The following PKD1L3 variants were observed in gnomAD, a reference collection of about 807,000 sequenced individuals.
PKD1L3 encodes the protein polycystin-1-like protein 3.
PKD1L3 carries 239 observed loss-of-function variants against 184.1 expected under a neutral mutation model. The ratio of observed to expected loss-of-function variants is 1.30; its 90% confidence interval spans 1.17 to 1.45. PKD1L3 has a LOEUF of 1.45. Among genes scored for constraint, PKD1L3 ranks in the 40% most tolerant of loss-of-function variants. The pLI is 0.00. For missense variants in PKD1L3, 2,660 were observed against 2,067.2 expected (o/e 1.29, Z -5.56); for synonymous variants, 996 against 778.8 (o/e 1.28, Z -4.64).
At chr16:71,979,274 C>A (rs546498864) in intron 9 of PKD1L3, among the ~76,000 whole-genome samples, 1 of 151,992 alleles carries the variant, frequency 6.6e-6, no homozygotes, top group South Asian at 2.1e-4. Flanking sequence ...CGAAACCCCG[C>A]CTCTACTAAA....
Position 71,929,605 on chromosome 16 carries a change from G to A in PKD1L3, c.5132C>T (p.Thr1711Ile), listed in dbSNP as rs534448059. 4 of 1,551,830 alleles carry A rather than the reference G, an allele frequency of 2.6e-6. No individual in the cohort carries two copies. The highest frequency in any genetic ancestry group is 3.5e-6 in the Non-Finnish European group (4 of 1,147,010). Residue 1711 changes from threonine to isoleucine, a missense_variant, in exon 30 of 30, where the codon ACC (threonine) becomes ATC (isoleucine). Coordinates refer to ENST00000620267, the MANE Select transcript of PKD1L3 (RefSeq NM_181536.2). ...TGTCGTGGCTGCTTGCTCAGATGAG[G>A]TTTTTTGGGGCCAACTGATTCCTAA... ...NLLGISWPQK[T>I]SSEQAATTAV...
chr16:71,996,990 G>C (rs1003677964), intron 2 of PKD1L3, among the ~76,000 whole-genome samples: 1 of 147,716 alleles, frequency 6.8e-6, no homozygotes, highest in Non-Finnish European at 1.5e-5. Context: ...GTTAGAAAGC[G>C]AGGTTATCAC....
At chr16:71,940,892 C>A (rs1304033585) in intron 24 of PKD1L3, among the ~76,000 whole-genome samples, 3 of 150,934 alleles carry the variant, frequency 2.0e-5, no homozygotes, top group African/African-American at 7.3e-5. Flanking sequence ...CTGGAGTGCA[C>A]TGGTATGATC....
At chr16:71,969,674 A>G (rs1365755561) in intron 13 of PKD1L3, among the ~76,000 whole-genome samples, 1 of 148,686 alleles carries the variant, frequency 6.7e-6, no homozygotes, top group Non-Finnish European at 1.5e-5. Flanking sequence ...TCTTGGAACC[A>G]AAGGAAAAAA....
chr16:71,977,533 T>C (rs1219442555), intron 10 of PKD1L3, 66 bp from the exon 11 acceptor site: 10 of 1,183,364 alleles, frequency 8.5e-6, no homozygotes, highest in Non-Finnish European at 1.2e-5. Context: ...ATCCTTTATA[T>C]TGATAAGGTA....
chr16:71,970,208 G>C, intron 12 of PKD1L3, 103 bp from the exon 13 acceptor site: 1 of 904,464 alleles, frequency 1.1e-6, no homozygotes, highest in Non-Finnish European at 1.7e-6. Flanking sequence ...GAGGTATCTG[G>C]TTCTCTCATT....
chr16:71,985,878 T>A (rs1323209071), intron 5 of PKD1L3, among the ~76,000 whole-genome samples: 1 of 152,066 alleles, frequency 6.6e-6, no homozygotes, highest in Non-Finnish European at 1.5e-5. Context: ...CTTGTCCATG[T>A]TTTTGGGAGG....
chr16:71,973,286 G>A (rs1191210498), intron 12 of PKD1L3, 38 bp downstream of exon 12: 3 of 1,539,524 alleles, frequency 1.9e-6, no homozygotes, highest in African/African-American at 1.4e-5. Flanking sequence ...CAGTAGCTAT[G>A]GCAGAAGAGA....
chr16:71,931,106 G>GT (rs754716273), intron 28 of PKD1L3: 3 of 152,022 alleles, frequency 2.0e-5, no homozygotes, highest in Admixed American at 6.6e-5. Flanking sequence ...GTTTTTTAAT[G>GT]TTTTTTACTT....
chr16:71,935,426 C>CA lies in PKD1L3; in HGVS notation c.4544dup (p.Leu1517AlafsTer2), dbSNP rs1567487993. The CA allele has an allele frequency of 6.4e-7, 1 of 1,552,014 alleles. No homozygotes were observed. Among genetic ancestry groups the CA allele is most frequent in the South Asian group, 1.2e-5 (1 of 84,058 alleles). On this transcript the variant is annotated frameshift_variant, in exon 26 of 30. Transcript: ENST00000620267. LOFTEE classifies it high-confidence loss of function. Reference sequence around the variant, plus strand: ...GAGAAATACTCTTCATGTCAAGCCCCAGGAGGATGAAGCTAATGAGGATTA... The same window carrying CA: ...GAGAAATACTCTTCATGTCAAGCCCCAAGGAGGATGAAGCTAATGAGGATTA...
chr16:71,964,377 T>C (rs1390786653), intron 15 of PKD1L3, among the ~76,000 whole-genome samples: 3 of 130,808 alleles, frequency 2.3e-5, no homozygotes, highest in Non-Finnish European at 4.7e-5. Context: ...TTCACTCTCT[T>C]GCACAGGCTG....
intron 13 of PKD1L3, among the ~76,000 whole-genome samples, chr16:71,968,406 C>T (rs181656706): frequency 6.6e-6 from 1 of 152,136 alleles, no homozygotes; most frequent in Admixed American, 6.6e-5. Flanking sequence ...GCAAATTTAA[C>T]TAGGTAGCCT....
At chr16:71,985,089 A>G (rs1276068623) in intron 5 of PKD1L3, among the ~76,000 whole-genome samples, 7 of 152,168 alleles carry the variant, frequency 4.6e-5, no homozygotes, top group African/African-American at 1.7e-4. Flanking sequence ...ATTCAACCAC[A>G]TATTCAAGAA....
intron 28 of PKD1L3, chr16:71,930,685 A>G (rs1399404657): frequency 6.6e-6 from 1 of 152,204 alleles, no homozygotes; most frequent in Non-Finnish European, 1.5e-5. Context: ...TTTTAAAGGT[A>G]CAAGCATTGA....
chr16:71,967,377 C>T (rs2039542047), intron 14 of PKD1L3, 62 bp from the exon 15 acceptor site: 1 of 1,449,892 alleles, frequency 6.9e-7, no homozygotes, highest in African/African-American at 1.4e-5. Context: ...TGGGTTTATC[C>T]CTAAGGAGAA....
At chr16:71,992,192 AG>A (rs2143857190) in intron 3 of PKD1L3, among the ~76,000 whole-genome samples, 1 of 152,318 alleles carries the variant, frequency 6.6e-6, no homozygotes, top group African/African-American at 2.4e-5. Flanking sequence ...AACTTTTTAA[AG>A]GACCCTACGT....
chr16:71,934,880 G>C (rs1166958409), intron 26 of PKD1L3, among the ~76,000 whole-genome samples: 1 of 152,196 alleles, frequency 6.6e-6, no homozygotes, highest in Admixed American at 6.5e-5. Context: ...GGGAAACATA[G>C]ATGTTCCTCT....
chr16:71,990,685 G>C (rs1368589610), intron 3 of PKD1L3, among the ~76,000 whole-genome samples: 11 of 152,070 alleles, frequency 7.2e-5, no homozygotes, highest in Admixed American at 7.2e-4. Context: ...AGTGAGCCGA[G>C]ATTGTGCCAC....
chr16:71,994,235 A>C (rs2040699687), intron 2 of PKD1L3, among the ~76,000 whole-genome samples: 1 of 152,256 alleles, frequency 6.6e-6, no homozygotes, highest in East Asian at 1.9e-4. Flanking sequence ...CCTGGCAGTC[A>C]TACTGTTTCC....
Sources: allele counts gnomAD v4.1 joint callset (sites outside exome capture counted in the v4.1 genomes callset), GRCh38; gene constraint gnomAD v4.1.1; transcripts MANE v1.5; gene names NCBI Gene and HGNC (gene_info 2026-07-23, HGNC 2026-07-21).